Variants in ARHGEF26 observed in about 807,000 individuals in gnomAD.
The protein encoded by ARHGEF26 is Rho guanine nucleotide exchange factor 26.
A neutral mutation model predicts 89.4 loss-of-function variants in ARHGEF26; 59 were observed. That is an observed-to-expected ratio of 0.66 (90% CI 0.54 to 0.82). The LOEUF is 0.82. Among genes scored for constraint, ARHGEF26 ranks in the 40% least tolerant of loss-of-function variants. The pLI, the probability that ARHGEF26 is intolerant of heterozygous loss-of-function variation, is 0.00. For missense variants in ARHGEF26, 1,234 were observed against 1,085.6 expected (o/e 1.14, Z -1.92); for synonymous variants, 500 against 428.4 (o/e 1.17, Z -2.06).
intron 6 of ARHGEF26, among the ~76,000 whole-genome samples, chr3:154,171,397 T>TA (rs1712429370): frequency 6.6e-6 from 1 of 152,120 alleles, no homozygotes; most frequent in African/African-American, 2.4e-5. Flanking sequence ...TAATTTACAT[T>TA]ACGGTTTGCT....
At position 154,213,241 on chromosome 3, in the gene ARHGEF26, G is replaced by GTGTATATATA. The variant is rs1553747909; in HGVS notation, c.1846-4627_1846-4626insGTATATATAT. On this transcript the variant is annotated intron_variant, in intron 9 of 14. Transcript: ENST00000465093. ...AGTGTGTGTGTGTGTGTGTGTGTGT[G>GTGTATATATA]TATATATATATATATGCTTTTGTTC... Among the ~76,000 whole-genome samples, 674 of 145,618 alleles carry GTGTATATATA rather than the reference G, an allele frequency of 4.6e-3. 2 individuals are homozygous for GTGTATATATA. The highest frequency in any genetic ancestry group is 7.0e-3 in the Non-Finnish European group (461 of 66,192).
intron 9 of ARHGEF26, among the ~76,000 whole-genome samples, chr3:154,215,982 A>G (rs1170932939): frequency 2.0e-5 from 3 of 152,178 alleles, no homozygotes; most frequent in Non-Finnish European, 4.4e-5. Flanking sequence ...ATTTCTGTAC[A>G]TATATGTGTG....
chr3:154,159,054 G>A (rs529237187), intron 6 of ARHGEF26, among the ~76,000 whole-genome samples: 4 of 152,148 alleles, frequency 2.6e-5, no homozygotes, highest in African/African-American at 7.2e-5. Context: ...GAAACTCTAA[G>A]GTCTAAATAA....
chr3:154,121,305 T>A (rs971116089), upstream of ARHGEF26: 1 of 151,262 alleles, frequency 6.6e-6, no homozygotes, highest in Non-Finnish European at 1.5e-5. Context: ...GACAGCTTCT[T>A]GCTTCTGGCT....
At chr3:154,182,245 C>T (rs1713234208) in intron 6 of ARHGEF26, among the ~76,000 whole-genome samples, 1 of 152,120 alleles carries the variant, frequency 6.6e-6, no homozygotes, top group East Asian at 1.9e-4. Context: ...AGTCATAGAA[C>T]AAGAGAACTT....
chr3:154,195,421 G>T (rs1714231528), intron 9 of ARHGEF26, among the ~76,000 whole-genome samples: 1 of 152,180 alleles, frequency 6.6e-6, no homozygotes, highest in Non-Finnish European at 1.5e-5. Context: ...GTATTATGAA[G>T]ATGATAGTGG....
intron 11 of ARHGEF26, among the ~76,000 whole-genome samples, chr3:154,226,925 T>C (rs562274464): frequency 6.6e-6 from 1 of 152,278 alleles, no homozygotes; most frequent in South Asian, 2.1e-4. Flanking sequence ...TGAAGAGAAT[T>C]ATAGAAACAG....
chr3:154,188,589 T>C (rs1713739392), intron 7 of ARHGEF26, among the ~76,000 whole-genome samples: 1 of 152,206 alleles, frequency 6.6e-6, no homozygotes, highest in Admixed American at 6.5e-5. Context: ...TGTGCACTGC[T>C]GTAAACCCAG....
At chr3:154,198,073 G>A (rs1306138147) in intron 9 of ARHGEF26, among the ~76,000 whole-genome samples, 1 of 152,076 alleles carries the variant, frequency 6.6e-6, no homozygotes, top group African/African-American at 2.4e-5. Context: ...ATAACGTATT[G>A]CTTCAGCCAT....
At chr3:154,161,101 TGTGTGTGTGTG>T (rs1325220327) in intron 6 of ARHGEF26, among the ~76,000 whole-genome samples, 1 of 1,088 alleles carries the variant, frequency 9.2e-4, no homozygotes, top group Non-Finnish European at 1.3e-3. Flanking sequence ...TAGCCAGGTT[TGTGTGTGTGTG>T]TGTGTGTGTG....
intron 6 of ARHGEF26, among the ~76,000 whole-genome samples, chr3:154,170,860 G>C (rs1712386991): frequency 6.6e-6 from 1 of 152,098 alleles, no homozygotes; most frequent in Non-Finnish European, 1.5e-5. Context: ...TAAATTGTAT[G>C]GTCACCCTCT....
chr3:154,181,028 C>T (rs1008570890), intron 6 of ARHGEF26, among the ~76,000 whole-genome samples: 4 of 152,166 alleles, frequency 2.6e-5, no homozygotes, highest in East Asian at 1.9e-4. Context: ...GTTACTGATG[C>T]CTGCCATGGG....
At chr3:154,201,098 A>C (rs1476575259) in intron 9 of ARHGEF26, among the ~76,000 whole-genome samples, 1 of 152,000 alleles carries the variant, frequency 6.6e-6, no homozygotes, top group East Asian at 1.9e-4. Context: ...GGTGTGCTGC[A>C]CCCATTAACT....
intron 9 of ARHGEF26, among the ~76,000 whole-genome samples, chr3:154,216,289 T>C (rs1715720233): frequency 6.6e-6 from 1 of 151,932 alleles, no homozygotes; most frequent in Non-Finnish European, 1.5e-5. Flanking sequence ...AAAATTTGTT[T>C]TGATTTAGAC....
intron 12 of ARHGEF26, 60 bp downstream of exon 12, chr3:154,240,639 T>G: frequency 6.8e-7 from 1 of 1,466,600 alleles, no homozygotes; most frequent in African/African-American, 1.4e-5. Flanking sequence ...CCTGATTTTC[T>G]TTGGTTTACA....
intron 6 of ARHGEF26, among the ~76,000 whole-genome samples, chr3:154,161,100 TTGTGTGTGTG>T (rs761296397): frequency 1.7e-4 from 3 of 17,606 alleles, no homozygotes; most frequent in Non-Finnish European, 5.2e-4. Flanking sequence ...GTAGCCAGGT[TTGTGTGTGTG>T]TGTGTGTGTG....
At chr3:154,154,255 G>T (rs1720193815) in intron 6 of ARHGEF26, among the ~76,000 whole-genome samples, 1 of 151,808 alleles carries the variant, frequency 6.6e-6, no homozygotes, top group South Asian at 2.1e-4. Context: ...TACAATTCCT[G>T]CTCCAGGCCT....
intron 9 of ARHGEF26, among the ~76,000 whole-genome samples, chr3:154,197,016 C>T (rs1714334058): frequency 6.6e-6 from 1 of 152,052 alleles, no homozygotes; most frequent in Non-Finnish European, 1.5e-5. Flanking sequence ...TTACTACATT[C>T]CTTCAGGCAT....
At chr3:154,171,895 T>G (rs575477872) in intron 6 of ARHGEF26, among the ~76,000 whole-genome samples, 18 of 152,220 alleles carry the variant, frequency 1.2e-4, no homozygotes, top group Admixed American at 5.2e-4. Flanking sequence ...CCAAGAATGC[T>G]GAGAAGGAGA....
Sources: gnomAD v4.1 joint callset for allele counts (sites outside exome capture counted in the v4.1 genomes callset) on GRCh38, gnomAD v4.1.1 for gene constraint, MANE v1.5 for transcripts, NCBI Gene and HGNC (gene_info 2026-07-23, HGNC 2026-07-21) for gene names.